TBC1D22B: variants seen among roughly 807,000 people sequenced by gnomAD.
TBC1D22B encodes TBC1 domain family member 22B, also known as chromosome 6 open reading frame 197.
Under a neutral mutation model 69.1 loss-of-function variants are expected in TBC1D22B, and 32 were observed. The ratio of observed to expected loss-of-function variants is 0.46; its 90% CI spans 0.35 to 0.62. TBC1D22B has a LOEUF of 0.62. Ranked by LOEUF, TBC1D22B falls within the 20% of genes least tolerant of loss-of-function variation. TBC1D22B has a pLI of 0.00. For missense variants in TBC1D22B, 462 were observed against 630.9 expected (o/e 0.73, Z 2.87); for synonymous variants, 206 against 229.8 (o/e 0.90, Z 0.94).
chr6:37,317,947 G>A (rs1350843540), intron 12 of TBC1D22B, among the ~76,000 whole-genome samples: 1 of 152,138 alleles, frequency 6.6e-6, no homozygotes, highest in African/African-American at 2.4e-5. Flanking sequence ...AATAGGAAGA[G>A]GTGAGGTCAG....
chr6:37,320,149 G>A (rs1328302426), intron 12 of TBC1D22B, among the ~76,000 whole-genome samples: 2 of 152,208 alleles, frequency 1.3e-5, no homozygotes, highest in African/African-American at 4.8e-5. Flanking sequence ...GGGAAAAAGA[G>A]CCAGATATAA....
At chr6:37,269,702 C>G (rs1766421489) in intron 2 of TBC1D22B, 52 bp downstream of exon 2, 2 of 1,540,792 alleles carry the variant, frequency 1.3e-6, no homozygotes, top group Non-Finnish European at 1.8e-6. Flanking sequence ...CCCCTATACC[C>G]TCCCCTATTT....
intron 10 of TBC1D22B, among the ~76,000 whole-genome samples, chr6:37,314,980 G>C (rs1022226627): frequency 2.6e-5 from 4 of 152,116 alleles, no homozygotes; most frequent in African/African-American, 9.7e-5. Flanking sequence ...TGGCCCAGCT[G>C]TTAGCCCTCA....
chr6:37,310,108 AATT>A (rs1470423296), intron 8 of TBC1D22B, among the ~76,000 whole-genome samples: 8 of 146,844 alleles, frequency 5.4e-5, no homozygotes, highest in Non-Finnish European at 7.5e-5. Flanking sequence ...TTTTATATAT[AATT>A]ATATTTTAAT....
chr6:37,329,472 A>T (rs138165215), intron 12 of TBC1D22B, among the ~76,000 whole-genome samples: 123 of 152,360 alleles, frequency 8.1e-4, no homozygotes, highest in African/African-American at 2.9e-3. Flanking sequence ...TACACACAGT[A>T]GTGTGACTAT....
chr6:37,265,495 T>G (rs1431041423), intron 1 of TBC1D22B, among the ~76,000 whole-genome samples: 1 of 152,082 alleles, frequency 6.6e-6, no homozygotes, highest in East Asian at 1.9e-4. Context: ...TCTTAGATTA[T>G]TTGCAGCTGC....
intron 1 of TBC1D22B, among the ~76,000 whole-genome samples, chr6:37,268,266 C>T (rs9470546): frequency 1.1e-4 from 16 of 151,842 alleles, no homozygotes; most frequent in African/African-American, 3.9e-4. Flanking sequence ...CCTTTTCTTT[C>T]CAACAGGGTC....
At chr6:37,273,867 A>C (rs6917404) in intron 2 of TBC1D22B, among the ~76,000 whole-genome samples, 131,225 of 152,178 alleles carry the variant, frequency 0.86, 56,671 homozygotes, top group South Asian at 0.92. Context: ...ACATGATTAT[A>C]GTTCCACTTC....
chr6:37,317,679 G>A (rs1269365157), intron 12 of TBC1D22B, among the ~76,000 whole-genome samples: 1 of 152,138 alleles, frequency 6.6e-6, no homozygotes, highest in Non-Finnish European at 1.5e-5. Context: ...AGTAGAGCAG[G>A]GTAAAGGTTT....
intron 8 of TBC1D22B, among the ~76,000 whole-genome samples, chr6:37,299,124 G>C (rs73421965): frequency 0.032 from 4,860 of 152,290 alleles, 245 homozygotes; most frequent in African/African-American, 0.11. Flanking sequence ...CTGTCTAGCA[G>C]ATAAACCATG....
At position 37,317,182 on chromosome 6, in the gene TBC1D22B, G is replaced by C. The variant is rs1390051442; in HGVS notation, c.1365G>C (p.Glu455Asp). 1.9e-6 allele frequency: 3 copies of C among 1,572,890 alleles called. No homozygotes were observed. The East Asian group carries it at 6.9e-5, about 36-fold the overall frequency. ...CCTTCTTGATCAAGTGGAGGAAAGA[G>C]ATCTTGGATGAGGAGGATTTTCAGG... Reference protein sequence around the residue: ...CAAFLIKWRKEILDEEDFQGL... With the variant: ...CAAFLIKWRKDILDEEDFQGL... The change falls in exon 12 of 13, where the codon GAG becomes GAC. Residue 455 changes from glutamate (E) to aspartate (D), a missense_variant. This residue lies in a region of TBC1D22B where 225 missense variants were observed against 375.4 expected (regional missense o/e 0.60). Coordinates refer to ENST00000373491, the MANE Select transcript of TBC1D22B (RefSeq NM_017772.4).
chr6:37,301,646 T>C (rs973549102), intron 8 of TBC1D22B, among the ~76,000 whole-genome samples: 5 of 152,216 alleles, frequency 3.3e-5, no homozygotes, highest in African/African-American at 9.7e-5. Flanking sequence ...TTGCTGGATA[T>C]AAATTAAATT....
At chr6:37,271,849 CT>C (rs35838317) in intron 2 of TBC1D22B, among the ~76,000 whole-genome samples, 98,188 of 120,880 alleles carry the variant, frequency 0.81, 39,713 homozygotes, top group East Asian at 0.87. Context: ...AAGGTGCATG[CT>C]TTTTTTTTTT....
At chr6:37,308,616 G>A (rs923825972) in intron 8 of TBC1D22B, among the ~76,000 whole-genome samples, 1 of 152,270 alleles carries the variant, frequency 6.6e-6, no homozygotes, top group East Asian at 1.9e-4. Context: ...CTCCCTAGAT[G>A]GCTAACAGTT....
At chr6:37,289,317 T>C (rs530319351) in intron 7 of TBC1D22B, among the ~76,000 whole-genome samples, 1 of 152,226 alleles carries the variant, frequency 6.6e-6, no homozygotes, top group African/African-American at 2.4e-5. Context: ...CCCACACTAG[T>C]AGAAGAGACA....
chr6:37,300,762 A>T (rs1024858597), intron 8 of TBC1D22B, among the ~76,000 whole-genome samples: 1 of 152,120 alleles, frequency 6.6e-6, no homozygotes, highest in Non-Finnish European at 1.5e-5. Context: ...GTTCTTCCAG[A>T]TGAACTTATT....
At chr6:37,299,674 T>G (rs1033194836) in intron 8 of TBC1D22B, among the ~76,000 whole-genome samples, 1 of 152,166 alleles carries the variant, frequency 6.6e-6, no homozygotes, top group African/African-American at 2.4e-5. Flanking sequence ...TTTTTGGATT[T>G]GGTATCTTGC....
intron 1 of TBC1D22B, among the ~76,000 whole-genome samples, chr6:37,267,181 C>T (rs540806366): frequency 6.6e-6 from 1 of 150,908 alleles, no homozygotes; most frequent in East Asian, 1.9e-4. Flanking sequence ...GCAGTTCTCA[C>T]ACCTCAGCAT....
intron 12 of TBC1D22B, among the ~76,000 whole-genome samples, chr6:37,321,757 A>G (rs1158815164): frequency 6.6e-6 from 1 of 152,308 alleles, no homozygotes. Context: ...GTGGAGTCCT[A>G]GAGCCTGCTT....
Sources: allele counts gnomAD v4.1 joint callset (sites outside exome capture counted in the v4.1 genomes callset), GRCh38; gene constraint gnomAD v4.1.1; regional missense constraint gnomAD v4.1.1; transcripts MANE v1.5; gene names NCBI Gene and HGNC (gene_info 2026-07-23, HGNC 2026-07-21).